The following ASTN2 variants were observed in gnomAD, a reference collection of about 807,000 sequenced individuals.
ASTN2 encodes astrotactin-2.
In ASTN2, 54 loss-of-function variants were observed where a neutral mutation model predicts 139.8. That is an observed-to-expected ratio of 0.39 (90% confidence interval 0.31 to 0.48). The LOEUF (loss-of-function observed/expected upper bound fraction) is 0.48, where lower values mean the gene tolerates loss of function less well. ASTN2 is among the 20% of genes least tolerant of loss of function. ASTN2 has a pLI of 0.95. For missense variants in ASTN2, 1,565 were observed against 1,725.1 expected, an observed-to-expected ratio of 0.91 and a Z score of 1.64; for synonymous variants, 756 against 719.5, an observed-to-expected ratio of 1.05 and a Z score of -0.81.
At chr9:116,969,580 A>T (rs2132516458) in intron 10 of ASTN2, among the ~76,000 whole-genome samples, 1 of 152,308 alleles carries the variant, frequency 6.6e-6, no homozygotes, top group South Asian at 2.1e-4. Flanking sequence ...AGAGAAACAC[A>T]GAGATGAGGG....
At chr9:117,226,214 A>G (rs1000067299) in intron 2 of ASTN2, among the ~76,000 whole-genome samples, 3 of 152,220 alleles carry the variant, frequency 2.0e-5, no homozygotes, top group Middle Eastern at 3.2e-3. Flanking sequence ...AAGACTGGAT[A>G]ATCAGCTAAA....
chr9:116,511,197 G>A (rs560027854), intron 19 of ASTN2, among the ~76,000 whole-genome samples: 1 of 152,276 alleles, frequency 6.6e-6, no homozygotes, highest in East Asian at 1.9e-4. Flanking sequence ...AACTTATTGA[G>A]AGTTTTTAGC....
chr9:116,828,046 C>T (rs1831690493), intron 11 of ASTN2, among the ~76,000 whole-genome samples: 1 of 152,178 alleles, frequency 6.6e-6, no homozygotes, highest in South Asian at 2.1e-4. Flanking sequence ...CCTGTAAGCC[C>T]AGCACTTTGG....
At chr9:116,490,303 A>AAAAAAAAAAAAAAAAATG in intron 19 of ASTN2, among the ~76,000 whole-genome samples, 1 of 104,578 alleles carries the variant, frequency 9.6e-6, no homozygotes, top group East Asian at 3.2e-4. Context: ...AAAAAAAAAA[A>AAAAAAAAAAAAAAAAATG]GGGGGCATTG....
intron 10 of ASTN2, among the ~76,000 whole-genome samples, chr9:116,939,033 G>C (rs539683531): frequency 5.3e-5 from 8 of 152,332 alleles, no homozygotes; most frequent in African/African-American, 1.9e-4. Context: ...GTGTGAAACA[G>C]TAGTACTAAC....
At chr9:117,180,864 G>T in intron 3 of ASTN2, 3 of 1,572,034 alleles carry the variant, frequency 1.9e-6, no homozygotes, top group African/African-American at 1.3e-5. Context: ...TCTTCTGGTG[G>T]CCAGGAAACT....
intron 19 of ASTN2, among the ~76,000 whole-genome samples, chr9:116,521,283 T>C (rs186253442): frequency 1.7e-4 from 26 of 152,120 alleles, no homozygotes; most frequent in Non-Finnish European, 3.1e-4. Flanking sequence ...CAGCATGGTA[T>C]TGGGGTAAAA....
chr9:117,142,348 T>G (rs565636261), intron 3 of ASTN2, among the ~76,000 whole-genome samples: 1 of 152,264 alleles, frequency 6.6e-6, no homozygotes, highest in Admixed American at 6.5e-5. Flanking sequence ...AAGTAGCCAG[T>G]CAAAGGCAAT....
At chr9:116,924,581 T>C (rs1465505324) in intron 10 of ASTN2, among the ~76,000 whole-genome samples, 2 of 152,162 alleles carry the variant, frequency 1.3e-5, no homozygotes, top group African/African-American at 4.8e-5. Context: ...GGGCAGGCAA[T>C]TCCTGGAACT....
At chr9:116,610,930 A>C (rs1855505649) in intron 19 of ASTN2, 1 of 152,194 alleles carries the variant, frequency 6.6e-6, no homozygotes, top group Admixed American at 6.5e-5. Flanking sequence ...GAAGACTTGA[A>C]TAACATAATT....
At chr9:116,536,214 T>A (rs1009291201) in intron 19 of ASTN2, among the ~76,000 whole-genome samples, 4 of 152,020 alleles carry the variant, frequency 2.6e-5, no homozygotes, top group Non-Finnish European at 5.9e-5. Context: ...CATCAGGTCA[T>A]TTAAGGACTT....
chr9:116,664,657 C>A (rs1057466487), intron 16 of ASTN2, among the ~76,000 whole-genome samples: 7 of 150,690 alleles, frequency 4.6e-5, no homozygotes, highest in African/African-American at 1.7e-4. Context: ...AAAAAACAAT[C>A]TCTACAAATT....
chr9:117,213,441 C>T (rs1018319001), intron 3 of ASTN2, among the ~76,000 whole-genome samples: 3 of 152,084 alleles, frequency 2.0e-5, no homozygotes, highest in Non-Finnish European at 2.9e-5. Context: ...TAACTAGGAG[C>T]TTATTGAACA....
chr9:117,033,551 G>T lies in ASTN2; in HGVS notation c.1423+6268C>A, dbSNP rs531993413. On this transcript the variant is annotated intron_variant, in intron 6 of 22. Coordinates refer to ENST00000313400, the MANE Select transcript of ASTN2 (RefSeq NM_001365068.1). ...CACACAGTCAACAGTAGAGGAAGAC[G>T]TTTCCAAACCAAGGCTTCATCTTCT... Among the ~76,000 whole-genome samples, 3 of 152,226 alleles carry T rather than the reference G, an allele frequency of 2.0e-5. No individual in the cohort carries two copies. The East Asian group carries it at 5.8e-4, about 29-fold the overall frequency.
chr9:117,309,989 T>C (rs1285959336), intron 1 of ASTN2, among the ~76,000 whole-genome samples: 1 of 152,214 alleles, frequency 6.6e-6, no homozygotes, highest in Non-Finnish European at 1.5e-5. Flanking sequence ...GTCCTGTCTT[T>C]GACACTTTTC....
At chr9:117,192,080 A>G (rs1831364122) in intron 3 of ASTN2, among the ~76,000 whole-genome samples, 1 of 134,846 alleles carries the variant, frequency 7.4e-6, no homozygotes, top group Non-Finnish European at 1.6e-5. Flanking sequence ...TGATTCCATG[A>G]CAAATCTCTG....
chr9:116,727,429 C>T (rs142859965), intron 15 of ASTN2, among the ~76,000 whole-genome samples: 35 of 152,204 alleles, frequency 2.3e-4, no homozygotes, highest in African/African-American at 6.3e-4. Flanking sequence ...AAGGGTTTTC[C>T]GGGAGCATCA....
chr9:116,940,315 A>T (rs956731653), intron 10 of ASTN2, among the ~76,000 whole-genome samples: 57 of 152,158 alleles, frequency 3.7e-4, no homozygotes, highest in African/African-American at 1.4e-3. Context: ...ACAGCCTCAG[A>T]CAAGTCCTTG....
chr9:117,124,479 A>G (rs1427737168), intron 4 of ASTN2, among the ~76,000 whole-genome samples: 1 of 152,266 alleles, frequency 6.6e-6, no homozygotes, highest in Non-Finnish European at 1.5e-5. Context: ...TCCCATAACA[A>G]CTCACAGCAA....
Sources: allele counts gnomAD v4.1 joint callset (sites outside exome capture counted in the v4.1 genomes callset), GRCh38; gene constraint gnomAD v4.1.1; transcripts MANE v1.5; gene names NCBI Gene and HGNC (gene_info 2026-07-23, HGNC 2026-07-21).